The following VWA8 variants were observed in gnomAD, a reference collection of about 807,000 sequenced individuals.
VWA8 encodes the protein von Willebrand factor A domain containing 8, also known as von Willebrand factor A domain-containing protein 8.
Under a neutral mutation model 241.5 loss-of-function variants are expected in VWA8, and 221 were observed. That is an observed-to-expected ratio of 0.91 (90% confidence interval 0.82 to 1.02). The LOEUF is 1.02. Among genes scored for constraint, VWA8 ranks in the 50% least tolerant of loss-of-function variants. The pLI is 0.00. For missense variants in VWA8, 2,322 were observed against 2,328.7 expected, an observed-to-expected ratio of 1.00 and a Z score of 0.06; for synonymous variants, 852 against 827.1, an observed-to-expected ratio of 1.03 and a Z score of -0.52.
chr13:41,918,373 T>A (rs1035705905), intron 2 of VWA8, among the ~76,000 whole-genome samples: 3 of 152,222 alleles, frequency 2.0e-5, no homozygotes, highest in Non-Finnish European at 4.4e-5. Context: ...AATTCATCAA[T>A]ATGTATGAAA....
chr13:41,625,028 G>A (rs946259303), intron 37 of VWA8, among the ~76,000 whole-genome samples: 1 of 152,134 alleles, frequency 6.6e-6, no homozygotes, highest in Non-Finnish European at 1.5e-5. Context: ...CATCAATAAC[G>A]TCCAAGCTGA....
chr13:41,689,336 T>A lies in VWA8; in HGVS notation c.4131+18A>T. The A allele has an allele frequency of 6.2e-7, 1 of 1,601,282 alleles. No homozygotes were observed. Among genetic ancestry groups the A allele is most frequent in the Non-Finnish European group, 8.5e-7 (1 of 1,174,590 alleles). Reference sequence around the variant, plus strand: ...GGAAAGAAACATTTATCCGATAATTTAAAAAATGGGTGCTTACCATGAGAT... The same window carrying A: ...GGAAAGAAACATTTATCCGATAATTAAAAAAATGGGTGCTTACCATGAGAT... On this transcript the variant is annotated intron_variant, in intron 34 of 44. Transcript: ENST00000379310.
intron 20 of VWA8, among the ~76,000 whole-genome samples, chr13:41,775,076 G>A (rs1397141172): frequency 1.3e-5 from 2 of 152,138 alleles, no homozygotes; most frequent in African/African-American, 2.4e-5. Context: ...TATTTAATTT[G>A]TCTGAGGAAA....
chr13:41,746,640 T>C (rs1308786632), intron 21 of VWA8, among the ~76,000 whole-genome samples: 1 of 152,198 alleles, frequency 6.6e-6, no homozygotes, highest in Non-Finnish European at 1.5e-5. Context: ...TTAAATTTAC[T>C]GATGACACTC....
intron 12 of VWA8, among the ~76,000 whole-genome samples, chr13:41,865,100 C>G (rs1873226936): frequency 6.6e-6 from 1 of 151,770 alleles, no homozygotes; most frequent in Non-Finnish European, 1.5e-5. Flanking sequence ...CCCACTGTAG[C>G]TGAAACCTAT....
At chr13:41,915,518 T>G (rs1049429194) in intron 2 of VWA8, among the ~76,000 whole-genome samples, 2 of 152,268 alleles carry the variant, frequency 1.3e-5, no homozygotes, top group Non-Finnish European at 2.9e-5. Flanking sequence ...CTGCCCAGTA[T>G]GTCAATGGCA....
chr13:41,875,188 T>C (rs896180879), intron 9 of VWA8, among the ~76,000 whole-genome samples: 2 of 152,164 alleles, frequency 1.3e-5, no homozygotes, highest in African/African-American at 4.8e-5. Context: ...ACTTCTGCTT[T>C]AACTATGAGT....
chr13:41,588,571 A>G (rs1219138267), intron 41 of VWA8, among the ~76,000 whole-genome samples: 1 of 152,080 alleles, frequency 6.6e-6, no homozygotes, highest in Non-Finnish European at 1.5e-5. Context: ...AAAATACACA[A>G]ATCAGCTAGG....
At chr13:41,925,163 A>G (rs1346079273) in intron 2 of VWA8, among the ~76,000 whole-genome samples, 1 of 152,208 alleles carries the variant, frequency 6.6e-6, no homozygotes, top group African/African-American at 2.4e-5. Context: ...CCCAGAAAAA[A>G]CTGCCCTTCA....
At chr13:41,929,151 AT>A (rs367906772) in intron 2 of VWA8, among the ~76,000 whole-genome samples, 1,439 of 126,652 alleles carry the variant, frequency 0.011, 4 homozygotes, top group Middle Eastern at 0.016. Context: ...CTTGACTTTA[AT>A]TTTTTTTTTT....
chr13:41,768,646 T>G (rs1389047974), intron 20 of VWA8, among the ~76,000 whole-genome samples: 1 of 152,212 alleles, frequency 6.6e-6, no homozygotes, highest in African/African-American at 2.4e-5. Flanking sequence ...AATTTCATTG[T>G]ATAAATTAAT....
chr13:41,883,813 C>T (rs193026061), intron 8 of VWA8, among the ~76,000 whole-genome samples: 135 of 152,270 alleles, frequency 8.9e-4, no homozygotes, highest in African/African-American at 3.2e-3. Flanking sequence ...ATATGAATAT[C>T]CCATAGACCC....
intron 25 of VWA8, among the ~76,000 whole-genome samples, chr13:41,720,285 T>C (rs1185064565): frequency 1.3e-5 from 2 of 152,168 alleles, no homozygotes; most frequent in African/African-American, 2.4e-5. Flanking sequence ...TCATGTCCTC[T>C]GAGTCCTTTC....
intron 37 of VWA8, among the ~76,000 whole-genome samples, chr13:41,660,075 T>C (rs2044938507): frequency 6.6e-6 from 1 of 152,200 alleles, no homozygotes; most frequent in Non-Finnish European, 1.5e-5. Flanking sequence ...ATCATCACAC[T>C]GCTACATTTC....
At chr13:41,590,503 T>C (rs1358167861) in intron 41 of VWA8, 137 bp downstream of exon 41, 24 of 968,886 alleles carry the variant, frequency 2.5e-5, no homozygotes, top group South Asian at 1.2e-4. Context: ...TTCTTCTTTT[T>C]TTTTTTTTTT....
Position 41,732,168 on chromosome 13 carries a change from C to G in VWA8, c.2427-13G>C. 2 of 1,601,894 alleles carry G rather than the reference C, an allele frequency of 1.2e-6. No homozygotes were observed. Among genetic ancestry groups the G allele is most frequent in the South Asian group, 2.2e-5 (2 of 89,430 alleles). On this transcript the variant is annotated splice_polypyrimidine_tract_variant and intron_variant, in intron 21 of 44. Coordinates refer to ENST00000379310, the MANE Select transcript of VWA8 (RefSeq NM_015058.2). ...TACTGTGGTATCCCTAAAGTAAAAC[C>G]AACACATTTTATAGTTAGGAAGGAA... is the stretch of plus-strand genomic sequence containing the variant.
intron 21 of VWA8, among the ~76,000 whole-genome samples, chr13:41,736,844 C>CTTTTTT (rs5803100): frequency 5.6e-4 from 72 of 128,448 alleles, no homozygotes; most frequent in East Asian, 1.4e-3. Flanking sequence ...TTTTTCTTTT[C>CTTTTTT]TTTTTTTTTT....
chr13:41,683,357 C>A (rs1312832649), intron 35 of VWA8, among the ~76,000 whole-genome samples: 1 of 151,788 alleles, frequency 6.6e-6, no homozygotes, highest in Non-Finnish European at 1.5e-5. Context: ...CTTAAAAGAC[C>A]ACATACTGTA....
At chr13:41,868,909 A>G (rs9590645) in intron 9 of VWA8, among the ~76,000 whole-genome samples, 2 of 141,966 alleles carry the variant, frequency 1.4e-5, no homozygotes, top group Non-Finnish European at 3.0e-5. Flanking sequence ...AAAAAAAAGG[A>G]AAAAAAAAAA....
Sources: allele counts gnomAD v4.1 joint callset (sites outside exome capture counted in the v4.1 genomes callset), GRCh38; gene constraint gnomAD v4.1.1; transcripts MANE v1.5; gene names NCBI Gene and HGNC (gene_info 2026-07-23, HGNC 2026-07-21).